The following CNBD1 variants were observed in gnomAD, a reference collection of about 807,000 sequenced individuals.
CNBD1 encodes the protein cyclic nucleotide binding domain containing 1.
A neutral mutation model predicts 54.4 loss-of-function variants in CNBD1; 71 were observed. The observed-to-expected ratio is 1.30, with a 90% confidence interval of 1.08 to 1.59. The LOEUF is 1.59. Ranked by LOEUF, CNBD1 falls within the 40% of genes most tolerant of loss-of-function variation. The probability of loss-of-function intolerance (pLI) is 0.00; values close to 1 mark genes in which losing one functional copy is unlikely to be tolerated. For synonymous variants in CNBD1, 182 were observed against 170.7 expected, an observed-to-expected ratio of 1.07 and a Z score of -0.51; for missense variants, 659 against 518.0, an observed-to-expected ratio of 1.27 and a Z score of -2.64.
chr8:87,385,575 C>T (rs550999333), downstream of CNBD1, among the ~76,000 whole-genome samples: 197 of 152,098 alleles, frequency 1.3e-3, 1 homozygote, highest in South Asian at 9.5e-3. Flanking sequence ...GGGGGAGGGG[C>T]GCCCACCGTT....
chr8:87,143,901 A>G (rs1224455043), intron 4 of CNBD1, among the ~76,000 whole-genome samples: 1 of 152,200 alleles, frequency 6.6e-6, no homozygotes, highest in Non-Finnish European at 1.5e-5. Context: ...CTGCAGAATA[A>G]ATTCTGATAA....
At chr8:87,365,073 T>C (rs563731483) in intron 10 of CNBD1, among the ~76,000 whole-genome samples, 1 of 152,216 alleles carries the variant, frequency 6.6e-6, no homozygotes, top group African/African-American at 2.4e-5. Context: ...GCCACACTGC[T>C]TTCTATAATG....
chr8:87,075,006 T>C (rs1586238567), intron 4 of CNBD1, among the ~76,000 whole-genome samples: 2 of 152,354 alleles, frequency 1.3e-5, no homozygotes, highest in South Asian at 4.1e-4. Flanking sequence ...ACATAGCTTC[T>C]GTCTGTTTTA....
At chr8:87,343,044 C>T (rs1279194648) in intron 8 of CNBD1, among the ~76,000 whole-genome samples, 1 of 152,094 alleles carries the variant, frequency 6.6e-6, no homozygotes, top group East Asian at 1.9e-4. Flanking sequence ...TAGACCTACC[C>T]CCAGGAATGC....
At chr8:87,275,454 G>A (rs1313718754) in intron 6 of CNBD1, among the ~76,000 whole-genome samples, 2 of 151,930 alleles carry the variant, frequency 1.3e-5, no homozygotes, top group African/African-American at 4.8e-5. Context: ...ATTTCATTGA[G>A]CAGTGGTTTG....
At chr8:87,091,356 A>G (rs1001694125) in intron 4 of CNBD1, among the ~76,000 whole-genome samples, 1 of 152,142 alleles carries the variant, frequency 6.6e-6, no homozygotes, top group Admixed American at 6.6e-5. Flanking sequence ...CTCCCTTTTA[A>G]GATGACATAA....
chr8:87,327,464 G>T (rs543382295), intron 8 of CNBD1, among the ~76,000 whole-genome samples: 5 of 152,202 alleles, frequency 3.3e-5, no homozygotes, highest in Admixed American at 2.0e-4. Context: ...AGATTCCGTG[G>T]GCGTAGGATA....
chr8:87,319,080 T>C (rs1809463260), intron 8 of CNBD1, among the ~76,000 whole-genome samples: 2 of 152,098 alleles, frequency 1.3e-5, no homozygotes, highest in South Asian at 4.1e-4. Flanking sequence ...GCAATACTAG[T>C]ATAAATCAAG....
intron 4 of CNBD1, among the ~76,000 whole-genome samples, chr8:87,191,735 C>G (rs1016640120): frequency 1.3e-5 from 2 of 152,090 alleles, no homozygotes; most frequent in African/African-American, 4.8e-5. Context: ...GTAGAAATGC[C>G]TATCAAGAAA....
intron 6 of CNBD1, among the ~76,000 whole-genome samples, chr8:87,245,619 AAG>A (rs1305259374): frequency 6.6e-6 from 1 of 152,048 alleles, no homozygotes; most frequent in African/African-American, 2.4e-5. Context: ...GATTAAAAAA[AAG>A]TGTTATATTT....
At chr8:87,357,644 T>C (rs754617097) in intron 10 of CNBD1, among the ~76,000 whole-genome samples, 1 of 152,164 alleles carries the variant, frequency 6.6e-6, no homozygotes, top group Non-Finnish European at 1.5e-5. Context: ...TACAGGCTCA[T>C]AGGTGGAAAG....
intron 4 of CNBD1, among the ~76,000 whole-genome samples, chr8:86,991,556 T>C (rs953084746): frequency 2.0e-5 from 3 of 152,146 alleles, no homozygotes; most frequent in Admixed American, 1.3e-4. Context: ...TTCTGCTAGC[T>C]TTGGAATTGG....
chr8:87,324,284 C>A (rs1244974448), intron 8 of CNBD1, among the ~76,000 whole-genome samples: 1 of 127,992 alleles, frequency 7.8e-6, no homozygotes, highest in East Asian at 2.0e-4. Flanking sequence ...TGTGTCTCTG[C>A]CCGGCTTTGG....
chr8:87,081,809 A>G (rs1404383591), intron 4 of CNBD1, among the ~76,000 whole-genome samples: 1 of 151,972 alleles, frequency 6.6e-6, no homozygotes, highest in Non-Finnish European at 1.5e-5. Flanking sequence ...CCTGGCCTGG[A>G]TGGACTGTTT....
At chr8:87,091,816 G>T (rs1027179191) in intron 4 of CNBD1, among the ~76,000 whole-genome samples, 1 of 151,888 alleles carries the variant, frequency 6.6e-6, no homozygotes, top group African/African-American at 2.4e-5. Flanking sequence ...TGCATTAAAG[G>T]TGGCATTTTA....
At chr8:87,292,981 C>T (rs1808813369) in intron 8 of CNBD1, among the ~76,000 whole-genome samples, 1 of 152,118 alleles carries the variant, frequency 6.6e-6, no homozygotes, top group Non-Finnish European at 1.5e-5. Context: ...ACTAGAGCTT[C>T]CTAACACCCT....
downstream of CNBD1, among the ~76,000 whole-genome samples, chr8:87,386,355 A>T (rs1334961738): frequency 2.0e-5 from 3 of 152,122 alleles, no homozygotes; most frequent in African/African-American, 7.2e-5. Context: ...AAAGAAGTTA[A>T]AAACCTTGAA....
At chr8:87,308,574 T>G (rs1431437020) in intron 8 of CNBD1, among the ~76,000 whole-genome samples, 1 of 152,204 alleles carries the variant, frequency 6.6e-6, no homozygotes, top group African/African-American at 2.4e-5. Context: ...CTCAAACATT[T>G]GTTATTTCTT....
At chr8:87,018,265 AC>A (rs1382633263) in intron 4 of CNBD1, among the ~76,000 whole-genome samples, 1 of 152,216 alleles carries the variant, frequency 6.6e-6, no homozygotes, top group African/African-American at 2.4e-5. Context: ...AAAAAACAAA[AC>A]AAAAAAATTG....
Sources: gnomAD v4.1 joint callset for allele counts (sites outside exome capture counted in the v4.1 genomes callset) on GRCh38, gnomAD v4.1.1 for gene constraint, MANE v1.5 for transcripts, NCBI Gene and HGNC (gene_info 2026-07-23, HGNC 2026-07-21) for gene names.